Variants in XRN1 observed in about 807,000 individuals in gnomAD.
XRN1 encodes 5'-3' exoribonuclease 1, also known as strand-exchange protein 1 homolog.
Under a neutral mutation model 222.3 loss-of-function variants are expected in XRN1, and 67 were observed. The ratio of observed to expected loss-of-function variants is 0.30; its 90% confidence interval spans 0.25 to 0.37. The LOEUF is 0.37. Ranked by LOEUF, XRN1 falls within the 10% of genes least tolerant of loss-of-function variation. The pLI, the probability that XRN1 is intolerant of heterozygous loss-of-function variation, is 1.00. For synonymous variants in XRN1, 643 were observed against 652.4 expected (o/e 0.99, Z 0.22); for missense variants, 1,707 against 2,000.2 (o/e 0.85, Z 2.80).
In XRN1 at chr3:142,432,796, T is replaced by C. The variant is rs534203521; in HGVS notation, c.173A>G (p.Asp58Gly). 95 of 1,613,920 alleles carry C rather than the reference T, an allele frequency of 5.9e-5. 2 individuals carry two copies. The South Asian group carries it at 9.7e-4, about 16-fold the overall frequency. The change falls in exon 2 of 41, where the codon GAT (aspartate) becomes GGT (glycine). Residue 58 changes from aspartate to glycine, a missense_variant. Transcript: ENST00000392981. The stretch of plus-strand genomic sequence containing the variant: ...GTGAAAAATATCAGTAAAGATTTTA[T>C]CATCTGAAATTCTAAAGTGAACATC... ...DDDVHFRISD[D>G]KIFTDIFHYL...
At chr3:142,429,935 G>GT (rs1559877542) in intron 2 of XRN1, among the ~76,000 whole-genome samples, 1 of 152,160 alleles carries the variant, frequency 6.6e-6, no homozygotes, top group Admixed American at 6.5e-5. Flanking sequence ...CAGGGAATCA[G>GT]TTTTTTTCAG....
At chr3:142,384,228 C>T (rs183749022) in intron 21 of XRN1, among the ~76,000 whole-genome samples, 251 of 148,824 alleles carry the variant, frequency 1.7e-3, no homozygotes, top group African/African-American at 6.0e-3. Flanking sequence ...GCCGAGATGG[C>T]GCCACTGCAC....
chr3:142,312,977 T>C (rs544333903), intron 39 of XRN1, among the ~76,000 whole-genome samples: 2 of 152,274 alleles, frequency 1.3e-5, no homozygotes, highest in Non-Finnish European at 1.5e-5. Context: ...TTTATCATTA[T>C]ACTGGCCTGA....
At chr3:142,333,139 C>T in intron 34 of XRN1, 50 bp from the exon 35 acceptor site, 1 of 1,564,876 alleles carries the variant, frequency 6.4e-7, no homozygotes, top group South Asian at 1.2e-5. Flanking sequence ...AATACAAGAA[C>T]ACACAAAAAG....
intron 10 of XRN1, 82 bp from the exon 11 acceptor site, chr3:142,418,963 G>T: frequency 1.5e-6 from 2 of 1,331,200 alleles, no homozygotes; most frequent in East Asian, 2.3e-5. Context: ...GCACCCATTT[G>T]CTTTTCTATA....
intron 37 of XRN1, among the ~76,000 whole-genome samples, chr3:142,319,662 A>G (rs1446859766): frequency 2.0e-5 from 3 of 152,046 alleles, no homozygotes; most frequent in African/African-American, 7.2e-5. Flanking sequence ...CATCCCTCAC[A>G]TCCCTCTTAA....
intron 36 of XRN1, among the ~76,000 whole-genome samples, chr3:142,331,833 G>T (rs1261012522): frequency 1.3e-5 from 2 of 152,096 alleles, no homozygotes; most frequent in Non-Finnish European, 2.9e-5. Context: ...AGAGTGCAGT[G>T]GCGTGATCTT....
chr3:142,394,108 T>C (rs771655236), intron 20 of XRN1, among the ~76,000 whole-genome samples: 5 of 152,202 alleles, frequency 3.3e-5, no homozygotes, highest in Non-Finnish European at 7.3e-5. Flanking sequence ...ATTACAGTCA[T>C]GAGCCACCGT....
Position 142,447,314 on chromosome 3 carries a change from A to G in XRN1, c.75+556T>C, listed in dbSNP as rs1258174982. 1.3e-5 allele frequency among the ~76,000 whole-genome samples: 2 copies of G among 152,226 alleles called. No individual in the cohort carries two copies. The highest frequency in any genetic ancestry group is 4.8e-5 in the African/African-American group (2 of 41,460). On this transcript the variant is annotated intron_variant, in intron 1 of 40. Coordinates refer to ENST00000392981, the MANE Select transcript of XRN1 (RefSeq NM_001282857.2). The surrounding 1 kb of genome is among the most constrained non-coding windows in gnomAD (Gnocchi z 4.2). Reference sequence around the variant, plus strand: ...CAACAGGGGATTGGTGCTGCTTTTGAAATAACAGAAAGTAACAAAAGGCAT... The same window carrying G: ...CAACAGGGGATTGGTGCTGCTTTTGGAATAACAGAAAGTAACAAAAGGCAT...
intron 19 of XRN1, among the ~76,000 whole-genome samples, chr3:142,398,029 G>T (rs1314268464): frequency 2.0e-5 from 3 of 152,118 alleles, no homozygotes; most frequent in African/African-American, 4.8e-5. Context: ...ATTACTTGAG[G>T]CCAGAAATTC....
At chr3:142,423,222 T>C (rs1337211830) in intron 6 of XRN1, among the ~76,000 whole-genome samples, 1 of 152,158 alleles carries the variant, frequency 6.6e-6, no homozygotes, top group Non-Finnish European at 1.5e-5. Context: ...ATCTGGCCCA[T>C]TTAAGGCTGG....
intron 1 of XRN1, among the ~76,000 whole-genome samples, chr3:142,440,931 T>C (rs1474483227): frequency 6.6e-6 from 1 of 152,168 alleles, no homozygotes; most frequent in Non-Finnish European, 1.5e-5. Flanking sequence ...GGCTAGGAAT[T>C]AGCCCAAGAC....
At chr3:142,396,188 T>G (rs116399016) in intron 20 of XRN1, among the ~76,000 whole-genome samples, 416 of 152,344 alleles carry the variant, frequency 2.7e-3, no homozygotes, top group Non-Finnish European at 4.2e-3. Flanking sequence ...GATATTCACA[T>G]ATCAATGTTA....
At chr3:142,356,189 C>A (rs1222315785) in intron 31 of XRN1, among the ~76,000 whole-genome samples, 1 of 152,106 alleles carries the variant, frequency 6.6e-6, no homozygotes, top group East Asian at 1.9e-4. Context: ...TTTTTAAAAT[C>A]TTCACCTTAC....
At position 142,410,238 on chromosome 3, in the gene XRN1, A is replaced by AT. The variant is rs150097417; in HGVS notation, c.1713+2305dup. Among the ~76,000 whole-genome samples, 274 of 152,194 alleles carry AT rather than the reference A, an allele frequency of 1.8e-3. 8 individuals are homozygous for AT. In the East Asian group the frequency reaches 0.041, roughly 23 times the overall value. ...TATTAAGTATGTTGTTTGCAGTAAG[A>AT]TTTTTTATATGCCTTTATCATAAGG... is the stretch of plus-strand genomic sequence containing the variant. On this transcript the variant is annotated intron_variant, in intron 15 of 40. Coordinates refer to ENST00000392981, the MANE Select transcript of XRN1 (RefSeq NM_001282857.2).
At chr3:142,358,156 T>TA (rs1238140947) in intron 30 of XRN1, among the ~76,000 whole-genome samples, 3 of 152,228 alleles carry the variant, frequency 2.0e-5, no homozygotes, top group Admixed American at 6.5e-5. Context: ...TAGCTCTTCC[T>TA]AAGCAACAGG....
chr3:142,380,227 A>G, intron 22 of XRN1, 47 bp from the exon 23 acceptor site: 1 of 1,476,382 alleles, frequency 6.8e-7, no homozygotes, highest in Non-Finnish European at 9.4e-7. Context: ...AGTACATTTT[A>G]TTTTTTAACT....
At chr3:142,381,770 T>C (rs930738416) in intron 22 of XRN1, among the ~76,000 whole-genome samples, 2 of 152,000 alleles carry the variant, frequency 1.3e-5, no homozygotes, top group Non-Finnish European at 2.9e-5. Context: ...TTTCGCTGTG[T>C]TGGCCAGCCT....
At chr3:142,384,236 C>T (rs1358652308) in intron 21 of XRN1, among the ~76,000 whole-genome samples, 1 of 146,632 alleles carries the variant, frequency 6.8e-6, no homozygotes, top group Admixed American at 6.8e-5. Context: ...GGCGCCACTG[C>T]ACTCCAGCCC....
Sources: gnomAD v4.1 joint callset for allele counts (sites outside exome capture counted in the v4.1 genomes callset) on GRCh38, gnomAD v4.1.1 for gene constraint, Gnocchi (gnomAD v3.1) non-coding constraint, MANE v1.5 for transcripts, NCBI Gene and HGNC (gene_info 2026-07-23, HGNC 2026-07-21) for gene names.